BIN1: variants seen among roughly 807,000 people sequenced by gnomAD.
BIN1 encodes the protein bridging integrator 1, also known as myc box-dependent-interacting protein 1.
Under a neutral mutation model 82.0 loss-of-function variants are expected in BIN1, and 53 were observed. The ratio of observed to expected loss-of-function variants is 0.65; its 90% CI spans 0.52 to 0.81. The LOEUF is 0.81. Ranked by LOEUF, BIN1 falls within the 40% of genes least tolerant of loss-of-function variation. BIN1 has a pLI of 0.00. For missense variants in BIN1, 642 were observed against 784.4 expected (o/e 0.82, Z 2.17); for synonymous variants, 302 against 328.0 (o/e 0.92, Z 0.86).
chr2:127,089,771 A>G (rs1446392607), intron 1 of BIN1, among the ~76,000 whole-genome samples: 2 of 152,222 alleles, frequency 1.3e-5, no homozygotes, highest in East Asian at 3.9e-4. Flanking sequence ...GAGCAGGCCC[A>G]GGCTGTGCAG....
chr2:127,096,162 G>A (rs1558880908), intron 1 of BIN1, among the ~76,000 whole-genome samples: 2 of 151,188 alleles, frequency 1.3e-5, no homozygotes, highest in African/African-American at 2.4e-5. Flanking sequence ...GCAATCTTTC[G>A]CCCTCTCCTC....
chr2:127,091,756 G>A (rs1007910864), intron 1 of BIN1, among the ~76,000 whole-genome samples: 4 of 152,090 alleles, frequency 2.6e-5, no homozygotes, highest in African/African-American at 9.7e-5. Flanking sequence ...AATTAGCCAG[G>A]TGTGGTGGCA....
At chr2:127,078,340 G>A (rs1249754502) in intron 1 of BIN1, among the ~76,000 whole-genome samples, 1 of 152,246 alleles carries the variant, frequency 6.6e-6, no homozygotes. Flanking sequence ...GAACACTTAA[G>A]GCTGTGGGAC....
rs1023775921 is a variant in BIN1 at position 127,082,151 on chromosome 2, C to G, written c.85-5445G>C. On this transcript the variant is annotated intron_variant, in intron 1 of 18. Transcript: ENST00000316724. The surrounding 1 kb of genome is among the most constrained non-coding windows in gnomAD (Gnocchi z 6.1). ...ACAAAGGCGAGCCTTCTCCCCACCC[C>G]CGCCCCCCACCTCTGGGTCCAGGCT... 7.2e-5 allele frequency among the ~76,000 whole-genome samples: 11 copies of G among 152,164 alleles called. No individual in the cohort carries two copies. The highest frequency in any genetic ancestry group is 2.7e-4 in the African/African-American group (11 of 41,430).
chr2:127,100,561 G>A (rs572971397), intron 1 of BIN1, among the ~76,000 whole-genome samples: 21 of 152,346 alleles, frequency 1.4e-4, no homozygotes, highest in East Asian at 7.7e-4. Flanking sequence ...TGGATGGGAC[G>A]TATAATACTC....
chr2:127,068,912 T>G lies in BIN1; in HGVS notation c.519+12A>C. ...CCTGCAGACGCTGCCCCGACCCGCCTCCAGCCCTTACCTTGGCAATTTTGG... is the reference window on the plus strand; with the variant it reads ...CCTGCAGACGCTGCCCCGACCCGCCGCCAGCCCTTACCTTGGCAATTTTGG... On this transcript the variant is annotated intron_variant, in intron 6 of 18. Coordinates refer to ENST00000316724, the MANE Select transcript of BIN1 (RefSeq NM_139343.3). This position sits in a 1 kb window ranked among gnomAD's most constrained non-coding sequence, Gnocchi z 4.9. The G allele has an allele frequency of 6.2e-7, 1 of 1,612,530 alleles. No individual in the cohort carries two copies. Among genetic ancestry groups the G allele is most frequent in the African/African-American group, 1.3e-5 (1 of 75,036 alleles).
At chr2:127,091,560 C>T (rs982563091) in intron 1 of BIN1, among the ~76,000 whole-genome samples, 13 of 152,048 alleles carry the variant, frequency 8.5e-5, no homozygotes, top group African/African-American at 2.4e-4. Context: ...CAGAAGGGGA[C>T]GAGGTGTTTG....
intron 5 of BIN1, among the ~76,000 whole-genome samples, chr2:127,069,479 T>A (rs79491468): frequency 0.17 from 25,476 of 152,010 alleles, 2,374 homozygotes; most frequent in Middle Eastern, 0.22. Context: ...CGGGGACCAC[T>A]CGCCTCGGTG....
chr2:127,098,808 C>A (rs1271069703), intron 1 of BIN1, among the ~76,000 whole-genome samples: 1 of 152,232 alleles, frequency 6.6e-6, no homozygotes, highest in African/African-American at 2.4e-5. Flanking sequence ...TAGGACAGGC[C>A]CCTGCAGAGG....
At chr2:127,095,646 G>A (rs1679500164) in intron 1 of BIN1, among the ~76,000 whole-genome samples, 1 of 152,204 alleles carries the variant, frequency 6.6e-6, no homozygotes, top group African/African-American at 2.4e-5. Context: ...CTCAGGGATG[G>A]GGGTGGCAGC....
intron 2 of BIN1, among the ~76,000 whole-genome samples, chr2:127,071,561 G>A (rs1685901026): frequency 1.3e-5 from 2 of 152,302 alleles, no homozygotes; most frequent in African/African-American, 2.4e-5. Flanking sequence ...GCATGGGCCA[G>A]GCCTCAAGTC....
chr2:127,082,152 C>G lies in BIN1; in HGVS notation c.85-5446G>C, dbSNP rs1009868538. On this transcript the variant is annotated intron_variant, in intron 1 of 18. Transcript: ENST00000316724. This position sits in a 1 kb window ranked among gnomAD's most constrained non-coding sequence, Gnocchi z 6.1. ...CAAAGGCGAGCCTTCTCCCCACCCC[C>G]GCCCCCCACCTCTGGGTCCAGGCTC... Among the ~76,000 whole-genome samples the G allele has an allele frequency of 6.6e-6, 1 of 152,164 alleles. No individual in the cohort carries two copies. Among genetic ancestry groups the G allele is most frequent in the African/African-American group, 2.4e-5 (1 of 41,440 alleles).
intron 11 of BIN1, 59 bp downstream of exon 11, chr2:127,058,952 G>A: frequency 6.5e-7 from 1 of 1,546,892 alleles, no homozygotes. Context: ...GAGGACAACA[G>A]CAAAGCCGGA....
At chr2:127,064,267 G>A (rs551988735) in intron 7 of BIN1, among the ~76,000 whole-genome samples, 9 of 152,350 alleles carry the variant, frequency 5.9e-5, no homozygotes, top group South Asian at 2.1e-4. Flanking sequence ...CCACGTGGCC[G>A]GGAGGGCAGT....
At chr2:127,056,954 C>G (rs1683759992) in intron 12 of BIN1, among the ~76,000 whole-genome samples, 2 of 152,354 alleles carry the variant, frequency 1.3e-5, no homozygotes, top group African/African-American at 4.8e-5. Context: ...GAGACCCAAG[C>G]CCCCCTGGGT....
At chr2:127,061,512 G>A (rs1263051676) in intron 10 of BIN1, among the ~76,000 whole-genome samples, 4 of 152,132 alleles carry the variant, frequency 2.6e-5, no homozygotes, top group African/African-American at 7.2e-5. Flanking sequence ...CAGAAGGGAG[G>A]GGAAGTCCCA....
Position 127,107,087 on chromosome 2 carries a change from G to A in BIN1, c.-144C>T. The A allele has an allele frequency of 1.2e-6, 1 of 862,284 alleles. No individual in the cohort carries two copies. The highest frequency in any genetic ancestry group is 1.6e-6 in the Non-Finnish European group (1 of 634,306). The allele number at this position is 862,284 out of a possible 1,614,324, so 53.4% of individuals were successfully genotyped here. On this transcript the variant is annotated 5_prime_UTR_variant, in exon 1 of 19. Transcript: ENST00000316724. This position sits in a 1 kb window ranked among gnomAD's most constrained non-coding sequence, Gnocchi z 5.9. ...CACCCGACAGCGGAGCCAACTGACG[G>A]AGGCGGAGCGTGCGCCGGACGGGCG...
chr2:127,053,314 G>T (rs1178365620), intron 14 of BIN1, 108 bp downstream of exon 14: 3 of 1,470,662 alleles, frequency 2.0e-6, no homozygotes, highest in South Asian at 1.2e-5. Context: ...CGTGTGGGGG[G>T]TGTGTGGGGT....
At chr2:127,063,909 G>T (rs1684832002) in intron 8 of BIN1, 24 bp downstream of exon 8, 1 of 1,612,006 alleles carries the variant, frequency 6.2e-7, no homozygotes, top group African/African-American at 1.3e-5. Context: ...CCCCACGCAG[G>T]CTGGGCACCG....
Sources: gnomAD v4.1 joint callset for allele counts (sites outside exome capture counted in the v4.1 genomes callset) on GRCh38, gnomAD v4.1.1 for gene constraint, Gnocchi (gnomAD v3.1) non-coding constraint, MANE v1.5 for transcripts, NCBI Gene and HGNC (gene_info 2026-07-23, HGNC 2026-07-21) for gene names.